The following NDST1 variants were observed in gnomAD, a reference collection of about 807,000 sequenced individuals.
NDST1 encodes N-deacetylase and N-sulfotransferase 1, also known as bifunctional heparan sulfate N-deacetylase/N-sulfotransferase 1.
A neutral mutation model predicts 92.8 loss-of-function variants in NDST1; 35 were observed. The ratio of observed to expected loss-of-function variants is 0.38; its 90% CI spans 0.29 to 0.50. The LOEUF (loss-of-function observed/expected upper bound fraction) is 0.50. NDST1 is among the 20% of genes least tolerant of loss of function. The probability of loss-of-function intolerance (pLI) is 0.94; values close to 1 mark genes in which losing one functional copy is unlikely to be tolerated. For synonymous variants in NDST1, 493 were observed against 500.3 expected, an observed-to-expected ratio of 0.99 and a Z score of 0.19; for missense variants, 822 against 1,182.7, an observed-to-expected ratio of 0.69 and a Z score of 4.47.
intron 7 of NDST1, chr5:150,539,881 A>C: frequency 1.2e-6 from 1 of 853,488 alleles, no homozygotes; most frequent in South Asian, 5.4e-5. Flanking sequence ...TCAGGATTGT[A>C]ATATTTGGGG....
chr5:150,541,770 C>T (rs1581400386), intron 9 of NDST1, 104 bp downstream of exon 9: 4 of 1,040,944 alleles, frequency 3.8e-6, no homozygotes, highest in South Asian at 2.7e-5. Context: ...ATAATTTGCT[C>T]CCTCTTTCCC....
chr5:150,525,283 C>T (rs1581373435), intron 2 of NDST1, among the ~76,000 whole-genome samples: 1 of 152,224 alleles, frequency 6.6e-6, no homozygotes. Context: ...ACTTGGCTTC[C>T]TCCCTTCCTG....
At chr5:150,528,439 G>A (rs1754569181) in intron 3 of NDST1, 141 bp downstream of exon 3, 3 of 953,092 alleles carry the variant, frequency 3.1e-6, no homozygotes, top group Middle Eastern at 2.8e-4. Context: ...TCTGCTTCCT[G>A]TCCTGCCAGT....
At position 150,551,736 on chromosome 5, in the gene NDST1, C is replaced by A; in HGVS notation, c.2427-17C>A. The A allele has an allele frequency of 6.2e-7, 1 of 1,611,594 alleles. No homozygotes were observed. The highest frequency in any genetic ancestry group is 8.5e-7 in the Non-Finnish European group (1 of 1,178,196). Reference sequence around the variant, plus strand: ...GGCTGAGCCAGCTCCCATCCAAAGACTTTCCCACCTCCACAGGTTTGATCC... The same window carrying A: ...GGCTGAGCCAGCTCCCATCCAAAGAATTTCCCACCTCCACAGGTTTGATCC... On this transcript the variant is annotated splice_polypyrimidine_tract_variant and intron_variant, in intron 13 of 14. Transcript: ENST00000261797.
rs112113246 is a variant in NDST1, at chr5:150,553,264, A to G, written c.2581A>G (p.Lys861Glu). The change falls in exon 15 of 15, where the codon AAG (lysine) becomes GAG (glutamate). Residue 861 changes from lysine to glutamate, a missense_variant. Physicochemically the swap from Lys to Glu is moderately conservative, Grantham distance 56. Transcript: ENST00000261797. This position sits in a 1 kb window ranked among gnomAD's most constrained non-coding sequence, Gnocchi z 4.2. Reference sequence around the variant, plus strand: ...CCGGGACCACAACATCGAGCTCTCCAAGCTGCTGTATAAGATGGGCCAGAC... The same window carrying G: ...CCGGGACCACAACATCGAGCTCTCCGAGCTGCTGTATAAGATGGGCCAGAC... ...YYRDHNIELS[K>E]LLYKMGQTLP... The G allele has an allele frequency of 6.2e-7, 1 of 1,613,850 alleles. No individual in the cohort carries two copies. The highest frequency in any genetic ancestry group is 8.5e-7 in the Non-Finnish European group (1 of 1,179,832).
chr5:150,532,073 G>T (rs549543927), intron 3 of NDST1, among the ~76,000 whole-genome samples: 32 of 152,346 alleles, frequency 2.1e-4, no homozygotes, highest in Non-Finnish European at 4.4e-4. Context: ...CACAGACGTA[G>T]CATTGGCCAC....
Position 150,521,782 on chromosome 5 carries a change from G to A in NDST1, c.513+15G>A. On this transcript the variant is annotated intron_variant, in intron 2 of 14. Transcript: ENST00000261797. This position sits in a 1 kb window ranked among gnomAD's most constrained non-coding sequence, Gnocchi z 5.9. Reference sequence around the variant, plus strand: ...GCTTCTTCAAGGTACACAAGAAGCAGGGTCCCCGAGCAGTTCAGAGCCCCC... The same window carrying A: ...GCTTCTTCAAGGTACACAAGAAGCAAGGTCCCCGAGCAGTTCAGAGCCCCC... The A allele has an allele frequency of 1.2e-6, 2 of 1,611,554 alleles. No homozygotes were observed. Among genetic ancestry groups the A allele is most frequent in the Non-Finnish European group, 1.7e-6 (2 of 1,179,994 alleles).
intron 1 of NDST1, among the ~76,000 whole-genome samples, chr5:150,509,252 A>G (rs1458398581): frequency 6.6e-6 from 1 of 152,166 alleles, no homozygotes; most frequent in Admixed American, 6.5e-5. Context: ...GTGGTGACCC[A>G]CATTTCCCAG....
intron 8 of NDST1, 107 bp from the exon 9 acceptor site, chr5:150,541,463 G>A: frequency 1.1e-6 from 1 of 926,472 alleles, no homozygotes; most frequent in Non-Finnish European, 1.8e-6. Context: ...CATGTAGCAT[G>A]TAGGTATCAT....
intron 1 of NDST1, among the ~76,000 whole-genome samples, chr5:150,517,161 C>CT (rs1050572627): frequency 3.3e-5 from 5 of 151,840 alleles, no homozygotes; most frequent in Non-Finnish European, 7.4e-5. Context: ...TGGTACTTTT[C>CT]TTTTTTTTGA....
At chr5:150,544,104 C>T (rs1755374200) in intron 10 of NDST1, among the ~76,000 whole-genome samples, 1 of 152,200 alleles carries the variant, frequency 6.6e-6, no homozygotes, top group South Asian at 2.1e-4. Context: ...AACATCTCCA[C>T]AGTCTCTTGT....
At chr5:150,538,482 G>T (rs1461767935) in intron 6 of NDST1, among the ~76,000 whole-genome samples, 1 of 152,206 alleles carries the variant, frequency 6.6e-6, no homozygotes, top group Non-Finnish European at 1.5e-5. Context: ...CCCAATGTTG[G>T]GATGTGGCCA....
chr5:150,524,736 A>G (rs1249495582), intron 2 of NDST1, among the ~76,000 whole-genome samples: 1 of 152,252 alleles, frequency 6.6e-6, no homozygotes, highest in Non-Finnish European at 1.5e-5. Flanking sequence ...AGATTTTGGA[A>G]TGCTTGCATT....
rs184550724 is a variant in NDST1 at position 150,502,606 on chromosome 5, A to G, written c.-388+4367A>G. On this transcript the variant is annotated intron_variant, in intron 1 of 1. Coordinates refer to the NDST1 transcript ENST00000518299. ...CAACAGGGGTTGTGTGAGGGGCCCC[A>G]ATGCTAGGAGTCTGTTCTGTGAGAA... is the stretch of plus-strand genomic sequence containing the variant. Among the ~76,000 whole-genome samples, 1,018 of 152,204 alleles carry G rather than the reference A, an allele frequency of 6.7e-3. 5 individuals are homozygous for G. The highest frequency in any genetic ancestry group is 0.013 in the South Asian group (64 of 4,818).
chr5:150,553,415 G>C lies in NDST1; in HGVS notation c.*83G>C. On this transcript the variant is annotated 3_prime_UTR_variant, in exon 15 of 15. Coordinates refer to ENST00000261797, the MANE Select transcript of NDST1 (RefSeq NM_001543.5). The surrounding 1 kb of genome is among the most constrained non-coding windows in gnomAD (Gnocchi z 4.2). ...CTGAGCCAGACCTGCAGAGTGGGAA[G>C]CTGGACCAGGGCAGCTGCGCACTTA... 1 of 1,559,788 alleles carries C rather than the reference G, an allele frequency of 6.4e-7. No homozygotes were observed. Among genetic ancestry groups the C allele is most frequent in the South Asian group, 1.1e-5 (1 of 89,654 alleles).
At chr5:150,522,581 A>G (rs1285929887) in intron 2 of NDST1, among the ~76,000 whole-genome samples, 3 of 152,156 alleles carry the variant, frequency 2.0e-5, no homozygotes, top group Non-Finnish European at 4.4e-5. Flanking sequence ...TCATTCAACA[A>G]ATATTTACTG....
intron 2 of NDST1, among the ~76,000 whole-genome samples, chr5:150,523,603 G>A (rs1754338954): frequency 6.6e-6 from 1 of 152,230 alleles, no homozygotes; most frequent in African/African-American, 2.4e-5. Flanking sequence ...TAACCACGAT[G>A]TGATGAGTCC....
rs1325353903 is a variant in NDST1 at position 150,535,747 on chromosome 5, C to T, written c.1299C>T (p.His433=). The part of the protein sequence containing the change: ...TDMGYAVAPH[H]SGVYPVHVQL... The stretch of plus-strand genomic sequence containing the variant: ...TGGGGTATGCAGTGGCGCCCCACCA[C>T]TCGGGCGTGTACCCCGTGCACGTGC... Residue 433 remains histidine (H), a synonymous_variant, in exon 6 of 15, where the codon CAC becomes CAT. Transcript: ENST00000261797. 4 of 1,614,252 alleles carry T rather than the reference C, an allele frequency of 2.5e-6. No individual in the cohort carries two copies. The highest frequency in any genetic ancestry group is 1.1e-5 in the South Asian group (1 of 91,086).
At chr5:150,513,928 G>A (rs1002384712) in intron 1 of NDST1, among the ~76,000 whole-genome samples, 5 of 152,234 alleles carry the variant, frequency 3.3e-5, no homozygotes, top group Admixed American at 1.3e-4. Context: ...AAAGTGCAGC[G>A]TTGCCATGGC....
Sources: gnomAD v4.1 joint callset for allele counts (sites outside exome capture counted in the v4.1 genomes callset) on GRCh38, gnomAD v4.1.1 for gene constraint, Gnocchi (gnomAD v3.1) non-coding constraint, MANE v1.5 for transcripts, NCBI Gene and HGNC (gene_info 2026-07-23, HGNC 2026-07-21) for gene names.